The following LINGO2 variants were observed in gnomAD, a reference collection of about 807,000 sequenced individuals.
LINGO2 encodes the protein leucine-rich repeat and immunoglobulin-like domain-containing nogo receptor-interacting protein 2.
A neutral mutation model predicts 30.6 loss-of-function variants in LINGO2; 14 were observed. The observed-to-expected ratio is 0.46, with a 90% CI of 0.30 to 0.72. The LOEUF (loss-of-function observed/expected upper bound fraction) is 0.72. LINGO2 is among the 30% of genes least tolerant of loss of function. The pLI, the probability that LINGO2 is intolerant of heterozygous loss-of-function variation, is 0.07. For synonymous variants in LINGO2, 317 were observed against 288.5 expected (o/e 1.10, Z -1.00); for missense variants, 729 against 751.7 (o/e 0.97, Z 0.35).
In LINGO2 at chr9:28,339,459, T is replaced by G. The variant is rs964576582; in HGVS notation, c.-246+33377A>C. On this transcript the variant is annotated intron_variant, in intron 3 of 5. Transcript: ENST00000379992. Reference sequence around the variant, plus strand: ...GTTAAACATAATTGTACATTGAAAATGTTTATTTGAATGATTAGCAAAATA... The same window carrying G: ...GTTAAACATAATTGTACATTGAAAAGGTTTATTTGAATGATTAGCAAAATA... 2.0e-5 allele frequency among the ~76,000 whole-genome samples: 3 copies of G among 152,130 alleles called. No homozygotes were observed. The East Asian group carries it at 5.8e-4, about 29-fold the overall frequency.
At chr9:28,030,080 A>T (rs1473984536) in intron 4 of LINGO2, among the ~76,000 whole-genome samples, 1 of 152,188 alleles carries the variant, frequency 6.6e-6, no homozygotes, top group Non-Finnish European at 1.5e-5. Context: ...CTGACTTGTA[A>T]GAGCTTCCAT....
At chr9:28,968,586 T>C in the LINGO2 span, among the ~76,000 whole-genome samples, 1 of 152,182 alleles carries the variant, frequency 6.6e-6, no homozygotes, top group Non-Finnish European at 1.5e-5. Context: ...GCCTGGCATA[T>C]GTTAATAGCA....
intron 2 of LINGO2, among the ~76,000 whole-genome samples, chr9:28,439,587 T>C (rs910064833): frequency 6.6e-6 from 1 of 152,052 alleles, no homozygotes; most frequent in African/African-American, 2.4e-5. Flanking sequence ...CTAGTTGTTT[T>C]AAAGCATATA....
chr9:28,081,238 T>G (rs1396299398), intron 4 of LINGO2, among the ~76,000 whole-genome samples: 1 of 150,006 alleles, frequency 6.7e-6, no homozygotes, highest in Admixed American at 6.7e-5. Context: ...CATTGCCAAA[T>G]GTCCCCAGGG....
At chr9:29,133,500 G>A in the LINGO2 span, among the ~76,000 whole-genome samples, 3 of 152,056 alleles carry the variant, frequency 2.0e-5, no homozygotes, top group African/African-American at 7.2e-5. Context: ...GACACTCAGG[G>A]CAAAATAACT....
chr9:28,790,321 C>CTTTCTTTTT, the LINGO2 span, among the ~76,000 whole-genome samples: 1 of 116,288 alleles, frequency 8.6e-6, no homozygotes, highest in Non-Finnish European at 1.8e-5. Context: ...CTTTTCTTTT[C>CTTTCTTTTT]TTTCTTTTTT....
chr9:28,001,883 A>G (rs144668800), intron 5 of LINGO2, among the ~76,000 whole-genome samples: 135 of 152,344 alleles, frequency 8.9e-4, no homozygotes, highest in African/African-American at 3.1e-3. Flanking sequence ...AATGACAAGT[A>G]TTTATCAAAA....
chr9:29,084,465 C>T, the LINGO2 span, among the ~76,000 whole-genome samples: 1 of 152,034 alleles, frequency 6.6e-6, no homozygotes, highest in Non-Finnish European at 1.5e-5. Context: ...AACCTCCAAC[C>T]TTTTCAGTTT....
intron 1 of LINGO2, among the ~76,000 whole-genome samples, chr9:28,665,089 A>G (rs1828747170): frequency 6.7e-6 from 1 of 148,944 alleles, no homozygotes; most frequent in African/African-American, 2.4e-5. Flanking sequence ...AAATAAATAC[A>G]TTCATGAAAA....
the LINGO2 span, among the ~76,000 whole-genome samples, chr9:28,815,544 C>A: frequency 6.6e-6 from 1 of 151,998 alleles, no homozygotes; most frequent in Admixed American, 6.6e-5. Flanking sequence ...CATGTTTGCA[C>A]TCACCAAGGC....
At chr9:28,767,489 A>C in the LINGO2 span, among the ~76,000 whole-genome samples, 1 of 152,098 alleles carries the variant, frequency 6.6e-6, no homozygotes. Context: ...TGCCCATTAA[A>C]AAAGTTTATG....
At chr9:28,791,032 G>A in the LINGO2 span, among the ~76,000 whole-genome samples, 4 of 151,940 alleles carry the variant, frequency 2.6e-5, no homozygotes, top group African/African-American at 9.7e-5. Flanking sequence ...AACATTATTT[G>A]AGAAAAAATG....
chr9:28,558,771 C>T (rs1394530618), intron 1 of LINGO2, among the ~76,000 whole-genome samples: 3 of 151,982 alleles, frequency 2.0e-5, no homozygotes, highest in African/African-American at 7.2e-5. Flanking sequence ...TACCTAGTTT[C>T]CAGCTTCAAA....
chr9:28,907,415 T>C, the LINGO2 span, among the ~76,000 whole-genome samples: 19 of 151,932 alleles, frequency 1.3e-4, no homozygotes, highest in Middle Eastern at 3.4e-3. Context: ...CTTAAAAATT[T>C]TTTTTTGGCA....
chr9:28,451,193 T>C (rs1243125785), intron 2 of LINGO2, among the ~76,000 whole-genome samples: 1 of 151,894 alleles, frequency 6.6e-6, no homozygotes, highest in Non-Finnish European at 1.5e-5. Flanking sequence ...TCTACTTGGG[T>C]ATAATGTTTC....
intron 3 of LINGO2, among the ~76,000 whole-genome samples, chr9:28,326,631 T>G (rs1044092427): frequency 8.5e-5 from 13 of 152,246 alleles, no homozygotes; most frequent in Non-Finnish European, 1.6e-4. Flanking sequence ...TTCACTGTTT[T>G]GCTTTTCTTT....
chr9:28,860,825 T>C, the LINGO2 span, among the ~76,000 whole-genome samples: 1 of 148,644 alleles, frequency 6.7e-6, no homozygotes, highest in Admixed American at 6.9e-5. Context: ...GTTGTACAAA[T>C]GTGTCACTTA....
At chr9:28,912,175 C>A in the LINGO2 span, among the ~76,000 whole-genome samples, 2 of 151,980 alleles carry the variant, frequency 1.3e-5, no homozygotes, top group African/African-American at 4.8e-5. Context: ...GTTATAATTG[C>A]AATAATTTAT....
intron 2 of LINGO2, among the ~76,000 whole-genome samples, chr9:28,448,664 G>T (rs1824524977): frequency 6.6e-6 from 1 of 152,020 alleles, no homozygotes; most frequent in African/African-American, 2.4e-5. Context: ...ATCTAAAAGT[G>T]CTATGGAAAT....
Sources: allele counts gnomAD v4.1 joint callset (sites outside exome capture counted in the v4.1 genomes callset), GRCh38; gene constraint gnomAD v4.1.1; transcripts MANE v1.5; gene names NCBI Gene and HGNC (gene_info 2026-07-23, HGNC 2026-07-21).